The following TUBGCP3 variants were observed in gnomAD, a reference collection of about 807,000 sequenced individuals.
TUBGCP3 encodes gamma-tubulin complex component 3.
Under a neutral mutation model 123.1 loss-of-function variants are expected in TUBGCP3, and 50 were observed. That is an observed-to-expected ratio of 0.41 (90% CI 0.32 to 0.51). The LOEUF is 0.51. Among genes scored for constraint, TUBGCP3 ranks in the 20% least tolerant of loss-of-function variants. The pLI is 0.36. For synonymous variants in TUBGCP3, 405 were observed against 413.9 expected (o/e 0.98, Z 0.26); for missense variants, 882 against 1,127.0 (o/e 0.78, Z 3.11).
rs143946246 is a variant in TUBGCP3, at chr13:112,494,874, G to A, written c.2448+4171C>T. Among the ~76,000 whole-genome samples, 220 of 152,260 alleles carry A rather than the reference G, an allele frequency of 1.4e-3. 2 individuals carry two copies. The highest frequency in any genetic ancestry group is 4.9e-3 in the African/African-American group (202 of 41,546). Reference sequence around the variant, plus strand: ...TTTGCCATTTGCATTGTCTTCTTTCGAGAAATGTCGATTCAGATCCTTTTC... The same window carrying A: ...TTTGCCATTTGCATTGTCTTCTTTCAAGAAATGTCGATTCAGATCCTTTTC... On this transcript the variant is annotated intron_variant, in intron 20 of 21. Coordinates refer to ENST00000261965, the MANE Select transcript of TUBGCP3 (RefSeq NM_006322.6).
At chr13:112,596,720 T>C in the TUBGCP3 span, among the ~76,000 whole-genome samples, 2 of 152,206 alleles carry the variant, frequency 1.3e-5, no homozygotes, top group African/African-American at 2.4e-5. Context: ...GTGATGTGGA[T>C]GTTAATTATT....
intron 17 of TUBGCP3, among the ~76,000 whole-genome samples, chr13:112,513,573 C>T (rs554177454): frequency 7.2e-5 from 11 of 152,282 alleles, no homozygotes; most frequent in South Asian, 6.2e-4. Flanking sequence ...TACAAGGCCC[C>T]GTGGCAGCTG....
Position 112,485,414 on chromosome 13 carries a change from G to GA in TUBGCP3, c.*578dup, listed in dbSNP as rs1383343045. 6.6e-6 allele frequency: 1 copy of GA among 152,378 alleles called. No individual in the cohort carries two copies. Among genetic ancestry groups the GA allele is most frequent in the African/African-American group, 2.4e-5 (1 of 41,352 alleles). 9.4% of individuals were successfully genotyped at this position (152,378 alleles called of 1,614,324 possible). Reference sequence around the variant, plus strand: ...TAAAAATGTAAACTCTGAAAGGAGAGAAAATAAGAATAAATATGTGTAAAG... The same window carrying GA: ...TAAAAATGTAAACTCTGAAAGGAGAGAAAAATAAGAATAAATATGTGTAAAG... On this transcript the variant is annotated 3_prime_UTR_variant, in exon 22 of 22. Transcript: ENST00000261965.
chr13:112,594,441 A>G, the TUBGCP3 span, among the ~76,000 whole-genome samples: 1 of 152,212 alleles, frequency 6.6e-6, no homozygotes. Context: ...AAAAACTCCC[A>G]ACCTAAGACT....
At chr13:112,568,047 T>A (rs1048247455) in intron 2 of TUBGCP3, among the ~76,000 whole-genome samples, 1 of 151,432 alleles carries the variant, frequency 6.6e-6, no homozygotes, top group Non-Finnish European at 1.5e-5. Context: ...TAGAAGGTGT[T>A]ATCACTAAGA....
At chr13:112,535,655 T>C (rs1304864044) in intron 11 of TUBGCP3, among the ~76,000 whole-genome samples, 3 of 152,258 alleles carry the variant, frequency 2.0e-5, no homozygotes, top group Admixed American at 2.0e-4. Flanking sequence ...GATAGTTCTT[T>C]ATGTATTTGG....
At chr13:112,521,562 G>A (rs551737967) in intron 14 of TUBGCP3, 33 of 607,192 alleles carry the variant, frequency 5.4e-5, no homozygotes, top group Non-Finnish European at 6.2e-5. Flanking sequence ...GTGATACACT[G>A]AAACTTGAGG....
At chr13:112,544,407 T>A (rs1878810650) in intron 11 of TUBGCP3, 1 of 137,168 alleles carries the variant, frequency 7.3e-6, no homozygotes, top group East Asian at 2.1e-4. Flanking sequence ...GAGCCGAGAT[T>A]GAGCCACTGC....
At chr13:112,586,847 T>C (rs1882644497) in intron 1 of TUBGCP3, among the ~76,000 whole-genome samples, 1 of 152,130 alleles carries the variant, frequency 6.6e-6, no homozygotes, top group African/African-American at 2.4e-5. Flanking sequence ...ATAAATAAAG[T>C]GATAGAATCA....
At chr13:112,503,748 A>G (rs896604388) in intron 19 of TUBGCP3, among the ~76,000 whole-genome samples, 1 of 152,212 alleles carries the variant, frequency 6.6e-6, no homozygotes, top group Non-Finnish European at 1.5e-5. Flanking sequence ...TCTCTTTTGA[A>G]TACCACAATA....
At chr13:112,573,315 G>A (rs984561008) in intron 1 of TUBGCP3, among the ~76,000 whole-genome samples, 2 of 151,874 alleles carry the variant, frequency 1.3e-5, no homozygotes, top group Non-Finnish European at 2.9e-5. Flanking sequence ...ATTTAAAGTT[G>A]AAGAAGTCTC....
intron 6 of TUBGCP3, 108 bp from the exon 7 acceptor site, chr13:112,555,113 T>G (rs2139213713): frequency 1.5e-6 from 1 of 659,566 alleles, no homozygotes; most frequent in East Asian, 2.7e-5. Context: ...CCCGATGAAA[T>G]TTACTAACTC....
intron 17 of TUBGCP3, among the ~76,000 whole-genome samples, chr13:112,510,229 C>G (rs937989241): frequency 1.3e-5 from 2 of 152,268 alleles, no homozygotes; most frequent in African/African-American, 4.8e-5. Flanking sequence ...ACTCAAACAC[C>G]GGCTCTTAAG....
intron 11 of TUBGCP3, among the ~76,000 whole-genome samples, chr13:112,533,999 C>G (rs1201930408): frequency 6.6e-6 from 1 of 151,996 alleles, no homozygotes; most frequent in Non-Finnish European, 1.5e-5. Flanking sequence ...TTTCTTGGAG[C>G]CTGCACTACT....
At chr13:112,510,466 A>G (rs1031988259) in intron 17 of TUBGCP3, among the ~76,000 whole-genome samples, 1 of 152,184 alleles carries the variant, frequency 6.6e-6, no homozygotes, top group Non-Finnish European at 1.5e-5. Flanking sequence ...TATTTTTCTC[A>G]AGACTAAGGA....
At chr13:112,539,444 T>C (rs755866034) in intron 11 of TUBGCP3, among the ~76,000 whole-genome samples, 1 of 152,182 alleles carries the variant, frequency 6.6e-6, no homozygotes, top group Non-Finnish European at 1.5e-5. Context: ...AGCAGACCCA[T>C]GGCAAAGAAC....
At chr13:112,534,768 A>G (rs75794879) in intron 11 of TUBGCP3, among the ~76,000 whole-genome samples, 1 of 151,018 alleles carries the variant, frequency 6.6e-6, no homozygotes, top group Non-Finnish European at 1.5e-5. Context: ...GAACTTCTAC[A>G]TTTTTTTTTA....
At chr13:112,539,992 G>A (rs1878379738) in intron 11 of TUBGCP3, among the ~76,000 whole-genome samples, 1 of 132,474 alleles carries the variant, frequency 7.5e-6, no homozygotes, top group South Asian at 2.4e-4. Flanking sequence ...AGGTGGTCTT[G>A]GGAAAGGACA....
chr13:112,579,566 C>A lies in TUBGCP3; in HGVS notation c.76+8339G>T, dbSNP rs541357913. ...CACACTGCTGAGTGCCGGGGGGCCA[C>A]GGCATCCCTGGAGCTCTCCCACACT... On this transcript the variant is annotated intron_variant, in intron 1 of 21. Coordinates refer to ENST00000261965, the MANE Select transcript of TUBGCP3 (RefSeq NM_006322.6). Among the ~76,000 whole-genome samples, 13 of 149,468 alleles carry A rather than the reference C, an allele frequency of 8.7e-5. No individual in the cohort carries two copies. The East Asian group carries it at 2.6e-3, about 30-fold the overall frequency.
Sources: gnomAD v4.1 joint callset for allele counts (sites outside exome capture counted in the v4.1 genomes callset) on GRCh38, gnomAD v4.1.1 for gene constraint, MANE v1.5 for transcripts, NCBI Gene and HGNC (gene_info 2026-07-23, HGNC 2026-07-21) for gene names.